SGPP1: variants seen among roughly 807,000 people sequenced by gnomAD.
The protein encoded by SGPP1 is sphingosine-1-phosphate phosphatase 1.
Under a neutral mutation model 33.0 loss-of-function variants are expected in SGPP1, and 21 were observed. The ratio of observed to expected loss-of-function variants is 0.64; its 90% CI spans 0.45 to 0.92. The LOEUF is 0.92. Ranked by LOEUF, SGPP1 falls within the 40% of genes least tolerant of loss-of-function variation. The probability of loss-of-function intolerance (pLI) is 0.00; values close to 1 mark genes in which losing one functional copy is unlikely to be tolerated. For synonymous variants in SGPP1, 239 were observed against 241.2 expected (o/e 0.99, Z 0.08); for missense variants, 543 against 589.4 (o/e 0.92, Z 0.81).
intron 1 of SGPP1, among the ~76,000 whole-genome samples, chr14:63,708,138 T>C (rs1365125157): frequency 2.6e-5 from 4 of 152,152 alleles, no homozygotes; most frequent in African/African-American, 4.8e-5. Context: ...GACCTTTCTC[T>C]TGTTTCTGAT....
chr14:63,702,663 T>C (rs760896975), intron 1 of SGPP1, among the ~76,000 whole-genome samples: 1 of 152,104 alleles, frequency 6.6e-6, no homozygotes, highest in African/African-American at 2.4e-5. Context: ...TGAGCCGAGA[T>C]TGCGCCACTG....
In SGPP1 at chr14:63,684,424, A is replaced by T. The variant is rs1884929332; in HGVS notation, c.*1681T>A. The T allele has an allele frequency of 6.6e-6, 1 of 152,062 alleles. No individual in the cohort carries two copies. The highest frequency in any genetic ancestry group is 6.6e-5 in the Admixed American group (1 of 15,258). The allele number at this position is 152,062 out of a possible 1,614,324, so 9.4% of individuals were successfully genotyped here. A position where few individuals can be genotyped will look rare whatever the true frequency, so the allele number is the denominator to read the frequency against. ...ATTTTGAAAGTAAAGCTCTTTTCAC[A>T]TTTTCCAACGTACCAATATTTTCCT... On this transcript the variant is annotated 3_prime_UTR_variant, in exon 3 of 3. Coordinates refer to ENST00000247225, the MANE Select transcript of SGPP1 (RefSeq NM_030791.4).
intron 2 of SGPP1, among the ~76,000 whole-genome samples, chr14:63,694,500 C>T (rs2139631313): frequency 6.6e-6 from 1 of 152,094 alleles, no homozygotes; most frequent in South Asian, 2.1e-4. Flanking sequence ...CAAAACAAAA[C>T]TTAGATTGCT....
In SGPP1 at chr14:63,727,593, C is replaced by T. The variant is rs1885913187; in HGVS notation, c.352G>A (p.Gly118Ser). 1 of 1,559,768 alleles carries T rather than the reference C, an allele frequency of 6.4e-7. No homozygotes were observed. The highest frequency in any genetic ancestry group is 8.6e-7 in the Non-Finnish European group (1 of 1,157,384). ...CAGTTGCTCACGCGGGCCAGCTGGC[C>T]CTCCTCGCCCGTCAGCGAGTTGCGG... ...LRRNSLTGEE[G>S]QLARVSNWPL... The change falls in exon 1 of 3, where the codon GGC becomes AGC. Residue 118 changes from glycine to serine, a missense_variant. Transcript: ENST00000247225.
intron 1 of SGPP1, among the ~76,000 whole-genome samples, chr14:63,703,344 T>C (rs1035377947): frequency 6.6e-6 from 1 of 151,996 alleles, no homozygotes; most frequent in African/African-American, 2.4e-5. Context: ...CTATAAAACA[T>C]TACTGAAAGA....
chr14:63,705,763 A>T (rs1403161056), intron 1 of SGPP1, among the ~76,000 whole-genome samples: 1 of 152,220 alleles, frequency 6.6e-6, no homozygotes, highest in Non-Finnish European at 1.5e-5. Context: ...TAACAGAAAG[A>T]AAAAAGACAG....
intron 1 of SGPP1, among the ~76,000 whole-genome samples, chr14:63,708,541 G>C (rs1566822388): frequency 6.6e-6 from 1 of 151,926 alleles, no homozygotes; most frequent in Non-Finnish European, 1.5e-5. Flanking sequence ...TGGGATTACA[G>C]GCATGAGCCA....
intron 1 of SGPP1, 32 bp from the exon 2 acceptor site, chr14:63,698,690 C>A: frequency 1.6e-6 from 2 of 1,214,654 alleles, no homozygotes; most frequent in Non-Finnish European, 1.2e-6. Flanking sequence ...ATTAGTTAAA[C>A]AAATTTAAGT....
At chr14:63,692,225 G>C (rs1366180447) in intron 2 of SGPP1, among the ~76,000 whole-genome samples, 1 of 152,176 alleles carries the variant, frequency 6.6e-6, no homozygotes, top group Admixed American at 6.5e-5. Flanking sequence ...CTTGTCCCCA[G>C]GACAGGTATT....
Position 63,727,952 on chromosome 14 carries a change from G to A in SGPP1, c.-8C>T. 2 of 1,541,492 alleles carry A rather than the reference G, an allele frequency of 1.3e-6. No individual in the cohort carries two copies. The highest frequency in any genetic ancestry group is 1.7e-6 in the Non-Finnish European group (2 of 1,153,380). On this transcript the variant is annotated 5_prime_UTR_variant, in exon 1 of 3. Transcript: ENST00000247225. ...GCGCTGCCTCAGCGACATGATAACG[G>A]AACCCCCGGGAAGGCGGGCCGGCCT...
At chr14:63,706,732 A>C (rs1160393298) in intron 1 of SGPP1, among the ~76,000 whole-genome samples, 1 of 152,204 alleles carries the variant, frequency 6.6e-6, no homozygotes, top group African/African-American at 2.4e-5. Context: ...CAACTGTGAA[A>C]TCCACCATAA....
chr14:63,707,925 C>A (rs116363803), intron 1 of SGPP1, among the ~76,000 whole-genome samples: 1 of 152,036 alleles, frequency 6.6e-6, no homozygotes, highest in Non-Finnish European at 1.5e-5. Context: ...GCTGCCTCGG[C>A]ACTCAGGAAA....
In SGPP1 at chr14:63,699,823, T is replaced by C. The variant is rs930049705; in HGVS notation, c.685-1165A>G. ...TTGAAACTCTAAATACCCTCGATAG[T>C]CATAGCTTCATACTCTCCTGGTTCA... is the stretch of plus-strand genomic sequence containing the variant. On this transcript the variant is annotated intron_variant, in intron 1 of 2. Coordinates refer to ENST00000247225, the MANE Select transcript of SGPP1 (RefSeq NM_030791.4). 2.0e-5 allele frequency among the ~76,000 whole-genome samples: 3 copies of C among 151,992 alleles called. No homozygotes were observed. The East Asian group carries it at 5.8e-4, about 29-fold the overall frequency.
At chr14:63,697,778 T>A (rs767995388) in intron 2 of SGPP1, among the ~76,000 whole-genome samples, 24 of 152,140 alleles carry the variant, frequency 1.6e-4, no homozygotes, top group African/African-American at 4.8e-4. Flanking sequence ...TCCAAGTAAA[T>A]GTTACAGCAT....
rs1885926660 is a variant in SGPP1 at position 63,727,925 on chromosome 14, A to C, written c.20T>G (p.Leu7Arg). 1 of 1,544,866 alleles carries C rather than the reference A, an allele frequency of 6.5e-7. No individual in the cohort carries two copies. The highest frequency in any genetic ancestry group is 2.5e-5 in the East Asian group (1 of 40,226). The change falls in exon 1 of 3, where the codon CTG (leucine) becomes CGG (arginine). Residue 7 changes from leucine to arginine, a missense_variant. By Grantham distance (102) the Leu-to-Arg change is moderately radical. Transcript: ENST00000247225. ...CTGCAGACGGCCAACCAGCTGGGCC[A>C]GGCGCTGCCTCAGCGACATGATAAC... MSLRQR[L>R]AQLVGRLQDP...
intron 1 of SGPP1, among the ~76,000 whole-genome samples, chr14:63,714,194 A>T (rs911697356): frequency 6.6e-6 from 1 of 152,200 alleles, no homozygotes; most frequent in Non-Finnish European, 1.5e-5. Context: ...TAATAAACGA[A>T]GTGATGTACA....
chr14:63,721,863 T>C (rs1423579623), intron 1 of SGPP1, among the ~76,000 whole-genome samples: 1 of 152,228 alleles, frequency 6.6e-6, no homozygotes, highest in Non-Finnish European at 1.5e-5. Context: ...ACACAAATAT[T>C]TGTGGATGTT....
chr14:63,711,251 G>C (rs1451644492), intron 1 of SGPP1, among the ~76,000 whole-genome samples: 1 of 152,098 alleles, frequency 6.6e-6, no homozygotes, highest in Non-Finnish European at 1.5e-5. Flanking sequence ...CTGACCTCAG[G>C]TGATCCGCCC....
chr14:63,705,542 C>T (rs1247047498), intron 1 of SGPP1, among the ~76,000 whole-genome samples: 1 of 151,700 alleles, frequency 6.6e-6, no homozygotes, highest in African/African-American at 2.4e-5. Flanking sequence ...GTGACATGCA[C>T]TTGTGGTCCC....
Sources: gnomAD v4.1 joint callset for allele counts (sites outside exome capture counted in the v4.1 genomes callset) on GRCh38, gnomAD v4.1.1 for gene constraint, MANE v1.5 for transcripts, NCBI Gene and HGNC (gene_info 2026-07-23, HGNC 2026-07-21) for gene names.